SVIL: variants seen among roughly 807,000 people sequenced by gnomAD.
The protein encoded by SVIL is supervillin.
Under a neutral mutation model 240.4 loss-of-function variants are expected in SVIL, and 101 were observed. The observed-to-expected ratio is 0.42, with a 90% CI of 0.36 to 0.50. The LOEUF (loss-of-function observed/expected upper bound fraction) is 0.50. Among genes scored for constraint, SVIL ranks in the 20% least tolerant of loss-of-function variants. The probability of loss-of-function intolerance (pLI) is 0.01; values close to 1 mark genes in which losing one functional copy is unlikely to be tolerated. For missense variants in SVIL, 2,512 were observed against 2,818.7 expected (o/e 0.89, Z 2.46); for synonymous variants, 999 against 1,100.0 (o/e 0.91, Z 1.82).
At chr10:29,556,906 T>A (rs1953983599) in intron 3 of SVIL, among the ~76,000 whole-genome samples, 1 of 152,104 alleles carries the variant, frequency 6.6e-6, no homozygotes, top group African/African-American at 2.4e-5. Flanking sequence ...AAGAGGAAAG[T>A]GGAGCCCTAT....
intron 1 of SVIL, 62 bp from the exon 2 acceptor site, chr10:29,569,374 G>GA (rs1955264462): frequency 1.2e-6 from 1 of 824,812 alleles, no homozygotes; most frequent in Non-Finnish European, 1.5e-6. Flanking sequence ...AATCCGGTGA[G>GA]AAAAAACTCT....
chr10:29,637,714 G>C (rs188100600), upstream of SVIL, among the ~76,000 whole-genome samples: 1 of 152,276 alleles, frequency 6.6e-6, no homozygotes, highest in East Asian at 1.9e-4. Flanking sequence ...CTAGGCAAAA[G>C]CAATGAGCTT....
At chr10:29,512,671 CT>C in intron 17 of SVIL, 63 bp downstream of exon 17, 1 of 1,612,844 alleles carries the variant, frequency 6.2e-7, no homozygotes, top group Non-Finnish European at 8.5e-7. Context: ...ACACGCTTGT[CT>C]TTTTGATGCA....
In SVIL at chr10:29,729,704, C is replaced by T. The variant is rs540395925; in HGVS notation, c.-400+6047G>A. 2.2e-4 allele frequency among the ~76,000 whole-genome samples: 27 copies of T among 121,104 alleles called. 1 individual carries two copies. The highest frequency in any genetic ancestry group is 9.4e-4 in the African/African-American group (27 of 28,672). 79.4% of individuals were successfully genotyped at this position (121,104 alleles called of 152,430 possible). A position where few individuals can be genotyped will look rare whatever the true frequency, so the allele number is the denominator to read the frequency against. On this transcript the variant is annotated intron_variant, in intron 1 of 35. Transcript: ENST00000375400. ...CAAAAAGTAGCTGGGTGTGGTGGCA[C>T]GCACCTGTAGTTCCAGCTACTTGGG... is the stretch of plus-strand genomic sequence containing the variant.
chr10:29,691,114 T>C (rs996944919), intron 1 of SVIL, among the ~76,000 whole-genome samples: 1 of 152,062 alleles, frequency 6.6e-6, no homozygotes, highest in African/African-American at 2.4e-5. Context: ...TGTTCTATAG[T>C]AGAAAGATTT....
At chr10:29,665,781 G>A (rs1026522162) in intron 2 of SVIL, among the ~76,000 whole-genome samples, 10 of 150,648 alleles carry the variant, frequency 6.6e-5, no homozygotes, top group African/African-American at 2.5e-4. Context: ...ACAACAGAGT[G>A]AGACTCCATC....
At chr10:29,578,774 A>G (rs373963910) in intron 1 of SVIL, among the ~76,000 whole-genome samples, 1 of 152,230 alleles carries the variant, frequency 6.6e-6, no homozygotes, top group Non-Finnish European at 1.5e-5. Context: ...GAATGGATCA[A>G]TCAATCAAAT....
chr10:29,463,499 G>A lies in SVIL; in HGVS notation c.6270C>T (p.Tyr2090=), dbSNP rs768879573. Residue 2090 remains tyrosine (Y), a synonymous_variant, in exon 35 of 38, where the codon TAC becomes TAT. Transcript: ENST00000355867. ...TGTTAGAGGGAGCCTCACCTTTGCAGTACTGGAGCACAGTCTCCATCGCAC... is the reference window on the plus strand; with the variant it reads ...TGTTAGAGGGAGCCTCACCTTTGCAATACTGGAGCACAGTCTCCATCGCAC... ...RKSAMETVLQ[Y]CKGKNLKKPA... The A allele has an allele frequency of 1.9e-5, 31 of 1,613,876 alleles. No individual in the cohort carries two copies. Among genetic ancestry groups the A allele is most frequent in the Non-Finnish European group, 2.2e-5 (26 of 1,179,952 alleles).
intron 1 of SVIL, among the ~76,000 whole-genome samples, chr10:29,630,363 G>C (rs1290680942): frequency 6.6e-6 from 1 of 152,112 alleles, no homozygotes; most frequent in East Asian, 1.9e-4. Flanking sequence ...GGGATTAAAG[G>C]ATCAACTTTC....
chr10:29,639,995 C>A (rs1958433098), intron 3 of SVIL, among the ~76,000 whole-genome samples: 2 of 152,170 alleles, frequency 1.3e-5, no homozygotes, highest in South Asian at 4.1e-4. Flanking sequence ...GGCTTCTTTT[C>A]AGTTCGTTGA....
chr10:29,598,667 C>T (rs560690915), intron 1 of SVIL, among the ~76,000 whole-genome samples: 1 of 152,284 alleles, frequency 6.6e-6, no homozygotes, highest in Admixed American at 6.5e-5. Flanking sequence ...AAAGGATAAT[C>T]CATATGTTTG....
intron 2 of SVIL, among the ~76,000 whole-genome samples, chr10:29,671,806 A>T (rs1959800856): frequency 6.6e-6 from 1 of 152,224 alleles, no homozygotes; most frequent in Non-Finnish European, 1.5e-5. Flanking sequence ...GCCAACACTG[A>T]ACTAGTGTGG....
chr10:29,608,618 G>A (rs912236542), intron 1 of SVIL, among the ~76,000 whole-genome samples: 5 of 152,258 alleles, frequency 3.3e-5, no homozygotes, highest in African/African-American at 9.6e-5. Flanking sequence ...GCTCCAGTGC[G>A]AAGCAAAGTT....
intron 36 of SVIL, among the ~76,000 whole-genome samples, chr10:29,460,633 C>A (rs1345672117): frequency 6.6e-6 from 1 of 152,130 alleles, no homozygotes; most frequent in Non-Finnish European, 1.5e-5. Flanking sequence ...ATCAAAAAGC[C>A]AGCAGTGGCT....
chr10:29,583,219 C>T (rs149517367), intron 1 of SVIL, among the ~76,000 whole-genome samples: 6 of 152,312 alleles, frequency 3.9e-5, no homozygotes, highest in African/African-American at 1.4e-4. Flanking sequence ...CAATGACAAT[C>T]TCAGCAATAA....
intron 17 of SVIL, among the ~76,000 whole-genome samples, chr10:29,506,703 C>CAGAGGCCCTAT (rs1564535167): frequency 9.5e-6 from 1 of 105,106 alleles, no homozygotes; most frequent in African/African-American, 3.6e-5. Context: ...AGAGGCCCTA[C>CAGAGGCCCTAT]GAGGGAGGGG....
chr10:29,522,457 C>T lies in SVIL; in HGVS notation c.3342G>A (p.Gly1114=), dbSNP rs1950620270. 1 of 1,614,138 alleles carries T rather than the reference C, an allele frequency of 6.2e-7. No individual in the cohort carries two copies. The highest frequency in any genetic ancestry group is 1.3e-5 in the African/African-American group (1 of 75,020). The change falls in exon 16 of 38, where the codon GGG becomes GGA. Residue 1114 remains glycine (G), a synonymous_variant. Transcript: ENST00000355867. ...TGCTGGGTGAGTCAAGAAGGCCCTC[C>T]CCTGTCGGCGTTTTGATCTCTCCAG... ...FAAGEIKTPT[G]EGLLDSPSKT... is the part of the protein sequence containing the mutation.
rs540050295 is a variant in SVIL at position 29,520,300 on chromosome 10, CTCTT to C, written c.3389+2106_3389+2109del. On this transcript the variant is annotated intron_variant, in intron 16 of 37. Transcript: ENST00000355867. ...TATTGTTAATTTCCTTAAATGATCTCTCTTCTTCCTCACCTAACCAGTTGTCAAT... is the reference window on the plus strand; with the variant it reads ...TATTGTTAATTTCCTTAAATGATCTCCTTCCTCACCTAACCAGTTGTCAAT... Among the ~76,000 whole-genome samples the C allele has an allele frequency of 3.0e-4, 46 of 152,334 alleles. 1 individual carries two copies. In the South Asian group the frequency reaches 9.5e-3, roughly 32 times the overall value.
At chr10:29,686,096 A>G (rs1961046916) in intron 2 of SVIL, among the ~76,000 whole-genome samples, 1 of 152,242 alleles carries the variant, frequency 6.6e-6, no homozygotes, top group Admixed American at 6.5e-5. Context: ...TTTTAACTAT[A>G]AATCCAATCA....
Sources: gnomAD v4.1 joint callset for allele counts (sites outside exome capture counted in the v4.1 genomes callset) on GRCh38, gnomAD v4.1.1 for gene constraint, MANE v1.5 for transcripts, NCBI Gene and HGNC (gene_info 2026-07-23, HGNC 2026-07-21) for gene names.